Variants in CDC42BPB observed in about 807,000 individuals in gnomAD.
The protein encoded by CDC42BPB is serine/threonine-protein kinase MRCK beta.
A neutral mutation model predicts 214.9 loss-of-function variants in CDC42BPB; 37 were observed. The ratio of observed to expected loss-of-function variants is 0.17; its 90% CI spans 0.13 to 0.23. The LOEUF is 0.23. CDC42BPB is among the 10% of genes least tolerant of loss of function. The pLI, the probability that CDC42BPB is intolerant of heterozygous loss-of-function variation, is 1.00. For synonymous variants in CDC42BPB, 931 were observed against 884.0 expected (o/e 1.05, Z -0.94); for missense variants, 1,694 against 2,227.0 (o/e 0.76, Z 4.82).
intron 34 of CDC42BPB, among the ~76,000 whole-genome samples, chr14:102,938,986 G>C (rs908328786): frequency 6.7e-6 from 1 of 149,876 alleles, no homozygotes; most frequent in African/African-American, 2.5e-5. Context: ...ACCCAGGCTG[G>C]AGTGCAGTGG....
chr14:102,984,379 G>T (rs961596102), intron 6 of CDC42BPB, among the ~76,000 whole-genome samples: 1 of 152,150 alleles, frequency 6.6e-6, no homozygotes, highest in Non-Finnish European at 1.5e-5. Context: ...GCTTCTGGGG[G>T]TACTAAGGCT....
intron 1 of CDC42BPB, chr14:103,041,552 G>A: frequency 7.5e-7 from 1 of 1,338,990 alleles, no homozygotes; most frequent in Non-Finnish European, 1.0e-6. Context: ...CAACCAGCCG[G>A]CCCGAAGATC....
intron 12 of CDC42BPB, 94 bp from the exon 13 acceptor site, chr14:102,972,255 C>T (rs1893509175): frequency 1.3e-5 from 20 of 1,551,224 alleles, no homozygotes; most frequent in East Asian, 2.3e-5. Flanking sequence ...GAGTTAAAAG[C>T]GACAGCCAAT....
intron 1 of CDC42BPB, among the ~76,000 whole-genome samples, chr14:103,053,103 A>G (rs1023424759): frequency 1.3e-5 from 2 of 151,726 alleles, no homozygotes; most frequent in African/African-American, 4.8e-5. Context: ...TAATCCCAGC[A>G]CTTTGAGAGG....
At chr14:103,036,310 G>A (rs905668051) in intron 1 of CDC42BPB, among the ~76,000 whole-genome samples, 21 of 151,580 alleles carry the variant, frequency 1.4e-4, no homozygotes, top group Non-Finnish European at 2.9e-4. Flanking sequence ...CCGCCACCAC[G>A]CCCGGCTAAT....
chr14:103,037,108 A>C (rs1169500586), intron 1 of CDC42BPB, among the ~76,000 whole-genome samples: 3 of 152,082 alleles, frequency 2.0e-5, no homozygotes, highest in African/African-American at 7.3e-5. Flanking sequence ...TAGACTTATC[A>C]AAATCAGCTT....
At chr14:102,996,563 A>G (rs1433409976) in intron 5 of CDC42BPB, among the ~76,000 whole-genome samples, 2 of 152,144 alleles carry the variant, frequency 1.3e-5, no homozygotes, top group Admixed American at 6.5e-5. Flanking sequence ...CTGTAATTCC[A>G]GAACTTTGGG....
intron 8 of CDC42BPB, among the ~76,000 whole-genome samples, chr14:102,978,557 T>C (rs914029261): frequency 7.2e-5 from 11 of 152,236 alleles, no homozygotes; most frequent in African/African-American, 2.7e-4. Flanking sequence ...TGAACAGGTA[T>C]GGTCCCTCTG....
intron 11 of CDC42BPB, chr14:102,974,383 C>A (rs1353798907): frequency 2.0e-5 from 20 of 984,274 alleles, no homozygotes; most frequent in Non-Finnish European, 2.4e-5. Flanking sequence ...TTACTCTGAT[C>A]TGACAGCGAT....
intron 8 of CDC42BPB, among the ~76,000 whole-genome samples, chr14:102,979,795 G>A (rs1219503570): frequency 1.3e-5 from 2 of 152,074 alleles, no homozygotes; most frequent in East Asian, 3.8e-4. Context: ...AGAATTTTAC[G>A]AGATATGAGC....
Position 102,974,048 on chromosome 14 carries a change from C to G in CDC42BPB, c.1609G>C (p.Val537Leu). The stretch of plus-strand genomic sequence containing the variant: ...AGCTCCTCCTTCTCCTGCCGGACCA[C>G]GCGGTGCTGCTTCTCCAGCCCCCGC... ...RLRGLEKQHR[V>L]VRQEKEELHK... The change falls in exon 12 of 37, where the codon GTG becomes CTG. Residue 537 changes from valine to leucine, a missense_variant. Around this residue, in one of 7 missense-constraint regions of CDC42BPB, gnomAD observed 462 missense variants for 513.5 expected, o/e 0.90. Coordinates refer to ENST00000361246, the MANE Select transcript of CDC42BPB (RefSeq NM_006035.4). 1 of 1,613,110 alleles carries G rather than the reference C, an allele frequency of 6.2e-7. No individual in the cohort carries two copies. The highest frequency in any genetic ancestry group is 8.5e-7 in the Non-Finnish European group (1 of 1,179,558).
At chr14:102,994,903 C>T (rs1043545575) in intron 5 of CDC42BPB, among the ~76,000 whole-genome samples, 1 of 152,232 alleles carries the variant, frequency 6.6e-6, no homozygotes, top group Non-Finnish European at 1.5e-5. Context: ...GTGCCTCAGC[C>T]TCCAGAGCAC....
rs1894975099 is a variant in CDC42BPB, at chr14:103,001,419, A to G, written c.448-1706T>C. On this transcript the variant is annotated intron_variant, in intron 4 of 36. Transcript: ENST00000361246. The surrounding 1 kb of genome is among the most constrained non-coding windows in gnomAD (Gnocchi z 5.8). ...CCGCAGGCCGCCTGGTGAGGTGCCCAGGCCAGAGGTTGCCAAGCAGAGGCC... is the reference window on the plus strand; with the variant it reads ...CCGCAGGCCGCCTGGTGAGGTGCCCGGGCCAGAGGTTGCCAAGCAGAGGCC... Among the ~76,000 whole-genome samples, 1 of 152,182 alleles carries G rather than the reference A, an allele frequency of 6.6e-6. No homozygotes were observed.
At chr14:102,946,749 A>G in intron 27 of CDC42BPB, 65 bp from the exon 28 acceptor site, 1 of 1,580,524 alleles carries the variant, frequency 6.3e-7, no homozygotes, top group South Asian at 1.2e-5. Flanking sequence ...CGCAGCTACC[A>G]CGGCCCTGCT....
At chr14:103,034,268 C>G (rs1039198952) in intron 1 of CDC42BPB, among the ~76,000 whole-genome samples, 1 of 152,064 alleles carries the variant, frequency 6.6e-6, no homozygotes, top group Non-Finnish European at 1.5e-5. Flanking sequence ...CTATTCCCAG[C>G]GTTTTGGGAG....
At position 102,974,112 on chromosome 14, in the gene CDC42BPB, C is replaced by T. The variant is rs1305107245; in HGVS notation, c.1545G>A (p.Val515=). The T allele has an allele frequency of 2.5e-6, 4 of 1,613,906 alleles. No individual in the cohort carries two copies. The highest frequency in any genetic ancestry group is 1.3e-5 in the African/African-American group (1 of 74,938). The change falls in exon 12 of 37, where the codon GTG becomes GTA. Residue 515 remains valine (V), a synonymous_variant. Transcript: ENST00000361246. The stretch of plus-strand genomic sequence containing the variant: ...AGTCCTCACGCTCTTGGCGAAGCGC[C>T]ACTGTGTCCTCAAGCTGTCGCTCGA... ...NRLERQLEDT[V]ALRQEREDST...
intron 5 of CDC42BPB, among the ~76,000 whole-genome samples, chr14:102,988,061 G>A (rs951337844): frequency 7.9e-5 from 12 of 152,030 alleles, no homozygotes; most frequent in African/African-American, 2.9e-4. Flanking sequence ...TTAACTCAGG[G>A]AAGAAATAGA....
chr14:103,040,685 T>G (rs1218448133), intron 1 of CDC42BPB, among the ~76,000 whole-genome samples: 1 of 152,098 alleles, frequency 6.6e-6, no homozygotes, highest in Non-Finnish European at 1.5e-5. Context: ...CTTGAACTCC[T>G]AACCTCAGGT....
intron 5 of CDC42BPB, among the ~76,000 whole-genome samples, chr14:102,998,881 C>G (rs1441974192): frequency 6.6e-6 from 1 of 151,952 alleles, no homozygotes; most frequent in Non-Finnish European, 1.5e-5. Context: ...CTGAGCCCCA[C>G]GTGAGCCCCA....
Sources: allele counts gnomAD v4.1 joint callset (sites outside exome capture counted in the v4.1 genomes callset), GRCh38; gene constraint gnomAD v4.1.1; regional missense constraint gnomAD v4.1.1; non-coding constraint Gnocchi (gnomAD v3.1); transcripts MANE v1.5; gene names NCBI Gene and HGNC (gene_info 2026-07-23, HGNC 2026-07-21).